LRRC34: variants seen among roughly 807,000 people sequenced by gnomAD.
LRRC34 encodes the protein leucine rich repeat containing 34.
In LRRC34, 44 loss-of-function variants were observed where a neutral mutation model predicts 48.5. The observed-to-expected ratio is 0.91, with a 90% CI of 0.71 to 1.17. The LOEUF is 1.17. LRRC34 is among the 50% of genes most tolerant of loss of function. LRRC34 has a pLI of 0.00. For synonymous variants in LRRC34, 192 were observed against 197.6 expected, an observed-to-expected ratio of 0.97 and a Z score of 0.24; for missense variants, 502 against 563.0, an observed-to-expected ratio of 0.89 and a Z score of 1.10.
rs377198673 is a variant in LRRC34 at position 169,807,721 on chromosome 3, C to CAAAA, written c.258-16_258-13dup. 3.8e-4 allele frequency: 333 copies of CAAAA among 883,416 alleles called. 9 individuals carry two copies. The highest frequency in any genetic ancestry group is 9.1e-4 in the South Asian group (22 of 24,152). 54.7% of individuals were successfully genotyped at this position (883,416 alleles called of 1,614,324 possible). Reference sequence around the variant, plus strand: ...TTCCTGCTGCTAGCCTGTTAAAATACAAAAAAAAAAAAAAAAAAAAAAGAT... The same window carrying CAAAA: ...TTCCTGCTGCTAGCCTGTTAAAATACAAAAAAAAAAAAAAAAAAAAAAAAAAGAT... On this transcript the variant is annotated splice_polypyrimidine_tract_variant and intron_variant, in intron 2 of 10. Transcript: ENST00000446859.
intron 8 of LRRC34, 170 bp downstream of exon 8, chr3:169,796,575 A>G: frequency 1.1e-6 from 1 of 894,360 alleles, no homozygotes; most frequent in Non-Finnish European, 1.6e-6. Flanking sequence ...TTATGTTACT[A>G]AAAGATAGCA....
In LRRC34 at chr3:169,796,753, A is replaced by T; in HGVS notation, c.900T>A (p.Asp300Glu). ...LYLNSSLRYL[D>E]VSCNKITHDG... Reference sequence around the variant, plus strand: ...TGTAAATTATCACTTACCAGCTGACATCAAGGTAGCGCAGGCTACTGTTCA... The same window carrying T: ...TGTAAATTATCACTTACCAGCTGACTTCAAGGTAGCGCAGGCTACTGTTCA... The change falls in exon 8 of 11, where the codon GAT becomes GAA. Residue 300 changes from aspartate to glutamate, a missense_variant. Coordinates refer to ENST00000446859, the MANE Select transcript of LRRC34 (RefSeq NM_001172779.2). 6.2e-7 allele frequency: 1 copy of T among 1,605,894 alleles called. No individual in the cohort carries two copies. The highest frequency in any genetic ancestry group is 8.5e-7 in the Non-Finnish European group (1 of 1,177,856).
At chr3:169,805,884 CAA>C (rs372353857) in intron 5 of LRRC34, among the ~76,000 whole-genome samples, 548 of 54,798 alleles carry the variant, frequency 0.01, 3 homozygotes, top group African/African-American at 0.024. Context: ...AACTCCATCT[CAA>C]AAAAAAAAAA....
In LRRC34 at chr3:169,807,721, C is replaced by CAAAAAA. The variant is rs377198673; in HGVS notation, c.258-18_258-13dup. 6.8e-5 allele frequency: 60 copies of CAAAAAA among 883,664 alleles called. 2 individuals are homozygous for CAAAAAA. Among genetic ancestry groups the CAAAAAA allele is most frequent in the South Asian group, 1.7e-4 (4 of 24,178 alleles). 54.7% of individuals were successfully genotyped at this position (883,664 alleles called of 1,614,324 possible). On this transcript the variant is annotated splice_polypyrimidine_tract_variant and intron_variant, in intron 2 of 10. Coordinates refer to ENST00000446859, the MANE Select transcript of LRRC34 (RefSeq NM_001172779.2). ...TTCCTGCTGCTAGCCTGTTAAAATA[C>CAAAAAA]AAAAAAAAAAAAAAAAAAAAAAGAT...
rs1241841427 is a variant in LRRC34, at chr3:169,793,386, T to A, written c.*249A>T. On this transcript the variant is annotated 3_prime_UTR_variant, in exon 11 of 11. Transcript: ENST00000446859. ...TTATATTTTCATTATAAAAAGAAAT[T>A]TAGTCTAGTTCCTTGGTCTCTTTCT... is the stretch of plus-strand genomic sequence containing the variant. The A allele has an allele frequency of 6.1e-6, 2 of 326,448 alleles. No homozygotes were observed. Among genetic ancestry groups the A allele is most frequent in the Non-Finnish European group, 1.1e-5 (2 of 181,558 alleles). The allele number at this position is 326,448 out of a possible 1,614,324, so 20.2% of individuals were successfully genotyped here.
intron 1 of LRRC34, among the ~76,000 whole-genome samples, chr3:169,810,976 A>C (rs1385657432): frequency 6.6e-6 from 1 of 152,240 alleles, no homozygotes; most frequent in Non-Finnish European, 1.5e-5. Flanking sequence ...AGGCGACAGA[A>C]TCGCTTGAAT....
intron 2 of LRRC34, 55 bp downstream of exon 2, chr3:169,808,573 C>T: frequency 2.1e-6 from 2 of 956,456 alleles, no homozygotes; most frequent in Non-Finnish European, 1.6e-6. Flanking sequence ...AGGATTTTCA[C>T]ACACATGAAT....
At chr3:169,793,925 C>T (rs1778889590) in intron 10 of LRRC34, 87 bp from the exon 11 acceptor site, 2 of 847,680 alleles carry the variant, frequency 2.4e-6, no homozygotes, top group Non-Finnish European at 3.6e-6. Flanking sequence ...TTCAAATTAG[C>T]TGTGCTAATT....
chr3:169,801,374 T>C (rs574974111), intron 6 of LRRC34, among the ~76,000 whole-genome samples: 1 of 152,306 alleles, frequency 6.6e-6, no homozygotes, highest in Non-Finnish European at 1.5e-5. Flanking sequence ...CAAATTAGTC[T>C]GTTCCTGTCC....
intron 10 of LRRC34, 134 bp from the exon 11 acceptor site, chr3:169,793,972 GAA>G (rs1219870307): frequency 1.8e-6 from 1 of 563,698 alleles, no homozygotes. Flanking sequence ...TAACATTGCT[GAA>G]TTTTAATATT....
In LRRC34 at chr3:169,793,738, T is replaced by C. The variant is rs2108218011; in HGVS notation, c.1292A>G (p.Asn431Ser). 6.2e-7 allele frequency: 1 copy of C among 1,613,784 alleles called. No individual in the cohort carries two copies. The highest frequency in any genetic ancestry group is 8.5e-7 in the Non-Finnish European group (1 of 1,179,776). ...CCAATAATAATGCTTTTTAAGGCCA[T>C]TGGAGACTTCTGCAAGATATACACG... ...DGRVYLAEVSNGLKKHYYWTS... is the reference protein window; with the variant it reads ...DGRVYLAEVSSGLKKHYYWTS... Residue 431 changes from asparagine to serine, a missense_variant, in exon 11 of 11, where the codon AAT becomes AGT. By Grantham distance (46) the Asn-to-Ser change is conservative. Coordinates refer to ENST00000446859, the MANE Select transcript of LRRC34 (RefSeq NM_001172779.2).
intron 7 of LRRC34, among the ~76,000 whole-genome samples, chr3:169,797,970 A>G (rs1362341065): frequency 6.6e-6 from 1 of 152,220 alleles, no homozygotes; most frequent in East Asian, 1.9e-4. Flanking sequence ...AGCATTTATT[A>G]TTGTTCAATA....
At chr3:169,802,041 A>G (rs1294681862) in intron 6 of LRRC34, among the ~76,000 whole-genome samples, 1 of 152,114 alleles carries the variant, frequency 6.6e-6, no homozygotes, top group African/African-American at 2.4e-5. Context: ...GGCTCAGGCA[A>G]TCTGCCTGCC....
chr3:169,796,419 T>G (rs1376574618), intron 8 of LRRC34, 50 bp from the exon 9 acceptor site: 1 of 1,563,718 alleles, frequency 6.4e-7, no homozygotes, highest in African/African-American at 1.4e-5. Context: ...AGTGTTTTTA[T>G]TCATAGTGAT....
At chr3:169,794,002 A>G (rs1044037263) in intron 10 of LRRC34, 164 bp from the exon 11 acceptor site, 4 of 535,284 alleles carry the variant, frequency 7.5e-6, no homozygotes, top group Non-Finnish European at 1.3e-5. Context: ...TATTGTAAAT[A>G]GATTTTTATT....
At position 169,812,316 on chromosome 3, in the gene LRRC34, G is replaced by A; in HGVS notation, c.139+94C>T. The A allele has an allele frequency of 7.1e-7, 1 of 1,408,546 alleles. No individual in the cohort carries two copies. The highest frequency in any genetic ancestry group is 9.2e-7 in the Non-Finnish European group (1 of 1,081,482). The allele number at this position is 1,408,546 out of a possible 1,614,324, so 87.3% of individuals were successfully genotyped here. A position where few individuals can be genotyped will look rare whatever the true frequency, so the allele number is the denominator to read the frequency against. On this transcript the variant is annotated intron_variant, in intron 1 of 10. Coordinates refer to ENST00000446859, the MANE Select transcript of LRRC34 (RefSeq NM_001172779.2). The surrounding 1 kb of genome is among the most constrained non-coding windows in gnomAD (Gnocchi z 4.3). ...CCTCCCGCCTCGACGCCTTGGGCTG[G>A]CGGGCTGCTGGGAGGACTCCTGCCG...
In LRRC34 at chr3:169,812,197, C is replaced by A. The variant is rs973258853; in HGVS notation, c.139+213G>T. On this transcript the variant is annotated intron_variant, in intron 1 of 10. Coordinates refer to ENST00000446859, the MANE Select transcript of LRRC34 (RefSeq NM_001172779.2). The surrounding 1 kb of genome is among the most constrained non-coding windows in gnomAD (Gnocchi z 4.3). ...CTCCTCTCCGTGGACTCCTCTCCTG[C>A]CCCCGGTCGCAAAGGGCGACCGGGG... 6.6e-6 allele frequency among the ~76,000 whole-genome samples: 1 copy of A among 151,398 alleles called. No individual in the cohort carries two copies. Among genetic ancestry groups the A allele is most frequent in the African/African-American group, 2.4e-5 (1 of 40,970 alleles).
intron 5 of LRRC34, among the ~76,000 whole-genome samples, chr3:169,805,761 A>C (rs1196186189): frequency 6.6e-6 from 1 of 151,870 alleles, no homozygotes; most frequent in South Asian, 2.1e-4. Context: ...GTGCATGCCT[A>C]TAATCCCAGC....
At chr3:169,795,736 T>C (rs1778961985) in intron 9 of LRRC34, 125 bp from the exon 10 acceptor site, 1 of 1,362,830 alleles carries the variant, frequency 7.3e-7, no homozygotes, top group Non-Finnish European at 9.5e-7. Context: ...ATACTGACCA[T>C]TTAATTCCTA....
Sources: gnomAD v4.1 joint callset for allele counts (sites outside exome capture counted in the v4.1 genomes callset) on GRCh38, gnomAD v4.1.1 for gene constraint, Gnocchi (gnomAD v3.1) non-coding constraint, MANE v1.5 for transcripts, NCBI Gene and HGNC (gene_info 2026-07-23, HGNC 2026-07-21) for gene names.